ABR: variants seen among roughly 807,000 people sequenced by gnomAD.
The protein encoded by ABR is active breakpoint cluster region-related protein.
A neutral mutation model predicts 107.2 loss-of-function variants in ABR; 35 were observed. The observed-to-expected ratio is 0.33, with a 90% confidence interval of 0.25 to 0.43. The LOEUF (loss-of-function observed/expected upper bound fraction) is 0.43. Ranked by LOEUF, ABR falls within the 20% of genes least tolerant of loss-of-function variation. The pLI, the probability that ABR is intolerant of heterozygous loss-of-function variation, is 1.00. For synonymous variants in ABR, 498 were observed against 462.0 expected (o/e 1.08, Z -1.00); for missense variants, 815 against 1,115.2 (o/e 0.73, Z 3.83).
intron 1 of ABR, among the ~76,000 whole-genome samples, chr17:1,226,529 C>G (rs113593203): frequency 0.011 from 1,646 of 147,960 alleles, 28 homozygotes; most frequent in African/African-American, 0.039. Flanking sequence ...ATGTATGTGA[C>G]AGTGTGCCAT....
Position 1,070,287 on chromosome 17 carries a change from C to G in ABR, c.895-197G>C, listed in dbSNP as rs894965572. Among the ~76,000 whole-genome samples, 2 of 152,160 alleles carry G rather than the reference C, an allele frequency of 1.3e-5. No homozygotes were observed. The highest frequency in any genetic ancestry group is 2.9e-5 in the Non-Finnish European group (2 of 68,036). On this transcript the variant is annotated intron_variant, in intron 8 of 22. Transcript: ENST00000302538. The surrounding 1 kb of genome is among the most constrained non-coding windows in gnomAD (Gnocchi z 4.2). Reference sequence around the variant, plus strand: ...GTTTGAATGCCAACAGGCTTCTCAGCTGTGATCTCAGACAGGCTCCCTGAC... The same window carrying G: ...GTTTGAATGCCAACAGGCTTCTCAGGTGTGATCTCAGACAGGCTCCCTGAC...
At chr17:1,220,523 G>T (rs998871836) in intron 1 of ABR, among the ~76,000 whole-genome samples, 2 of 152,136 alleles carry the variant, frequency 1.3e-5, no homozygotes, top group Admixed American at 1.3e-4. Context: ...CAGAGCGGTG[G>T]TGCAAAGTCA....
intron 3 of ABR, among the ~76,000 whole-genome samples, chr17:1,095,569 C>T (rs915022384): frequency 1.3e-5 from 2 of 152,202 alleles, no homozygotes; most frequent in Non-Finnish European, 2.9e-5. Flanking sequence ...TAGCACACCA[C>T]TCAGGCACCC....
rs578181304 is a variant in ABR at position 1,119,522 on chromosome 17, T to C, written c.246+5661A>G. Reference sequence around the variant, plus strand: ...AGCGTTATCCCTGAGCCTGAGTTCTTCCCAGCGTTATTGCCTGAGCCTTCC... The same window carrying C: ...AGCGTTATCCCTGAGCCTGAGTTCTCCCCAGCGTTATTGCCTGAGCCTTCC... On this transcript the variant is annotated intron_variant, in intron 2 of 22. Transcript: ENST00000302538. 3.6e-4 allele frequency among the ~76,000 whole-genome samples: 44 copies of C among 121,968 alleles called. 8 individuals are homozygous for C. Among genetic ancestry groups the C allele is most frequent in the South Asian group, 2.4e-3 (8 of 3,360 alleles). 80.0% of individuals were successfully genotyped at this position (121,968 alleles called of 152,430 possible).
chr17:1,027,170 C>A lies in ABR; in HGVS notation c.1792-14006G>T, dbSNP rs934013451. ...TCAGGCAGCTTTGGCCTTTGAGGAA[C>A]CCCCTTGATTGGCAGGTTCTCCTCT... On this transcript the variant is annotated intron_variant, in intron 16 of 22. Transcript: ENST00000302538. This position sits in a 1 kb window ranked among gnomAD's most constrained non-coding sequence, Gnocchi z 4.7. Among the ~76,000 whole-genome samples, 1 of 152,234 alleles carries A rather than the reference C, an allele frequency of 6.6e-6. No individual in the cohort carries two copies. The highest frequency in any genetic ancestry group is 2.4e-5 in the African/African-American group (1 of 41,454).
At chr17:1,098,738 T>C (rs1454664814) in intron 3 of ABR, among the ~76,000 whole-genome samples, 1 of 152,180 alleles carries the variant, frequency 6.6e-6, no homozygotes, top group Non-Finnish European at 1.5e-5. Flanking sequence ...AACAGCTCCG[T>C]ACACACAGAT....
intron 16 of ABR, among the ~76,000 whole-genome samples, chr17:1,028,256 A>ATTT (rs564733650): frequency 0.2 from 28,400 of 140,842 alleles, 2,974 homozygotes; most frequent in South Asian, 0.37. Context: ...ATGCCCGGCT[A>ATTT]TTTTTTTTTT....
chr17:1,226,797 G>A (rs9747540), intron 1 of ABR, among the ~76,000 whole-genome samples: 67,867 of 151,386 alleles, frequency 0.45, 15,589 homozygotes, highest in Middle Eastern at 0.5. Context: ...ATGTGTATAC[G>A]TGTGCAGGTG....
intron 1 of ABR, among the ~76,000 whole-genome samples, chr17:1,143,838 T>C (rs943270370): frequency 6.6e-6 from 1 of 152,092 alleles, no homozygotes; most frequent in Non-Finnish European, 1.5e-5. Flanking sequence ...CCAGCAGCCC[T>C]GGGCAGAGAA....
intron 1 of ABR, among the ~76,000 whole-genome samples, chr17:1,212,272 T>G (rs1031726571): frequency 2.0e-5 from 3 of 149,206 alleles, no homozygotes; most frequent in African/African-American, 7.4e-5. Context: ...CTACAAAAGT[T>G]TTATAAGGAT....
At chr17:1,109,482 T>A (rs946632207) in intron 2 of ABR, among the ~76,000 whole-genome samples, 31 of 151,438 alleles carry the variant, frequency 2.0e-4, no homozygotes, top group Non-Finnish European at 4.3e-4. Context: ...CCTCTGGGGT[T>A]GCGGGGCCGC....
chr17:1,174,728 G>A (rs1272427276), intron 1 of ABR, among the ~76,000 whole-genome samples: 2 of 152,198 alleles, frequency 1.3e-5, no homozygotes, highest in Non-Finnish European at 2.9e-5. Context: ...GGCTCAGCAG[G>A]GAAGGTATGT....
At chr17:1,007,634 C>T (rs1035001550) in intron 21 of ABR, among the ~76,000 whole-genome samples, 1 of 152,234 alleles carries the variant, frequency 6.6e-6, no homozygotes, top group African/African-American at 2.4e-5. Flanking sequence ...TGAAAACTCC[C>T]TGGAACAACT....
rs549846008 is a variant in ABR at position 1,045,358 on chromosome 17, T to C, written c.1791+4692A>G. On this transcript the variant is annotated intron_variant, in intron 16 of 22. Transcript: ENST00000302538. The stretch of plus-strand genomic sequence containing the variant: ...TATAGCAGGACAATCTTCCATCTTC[T>C]TACAGCAGGACAATCTTCCGTCTTC... Among the ~76,000 whole-genome samples the C allele has an allele frequency of 2.3e-5, 3 of 131,024 alleles. No homozygotes were observed. The South Asian group carries it at 7.2e-4, about 31-fold the overall frequency. The allele number at this position is 131,024 out of a possible 152,430, so 86.0% of individuals were successfully genotyped here. A position where few individuals can be genotyped will look rare whatever the true frequency, so the allele number is the denominator to read the frequency against.
At chr17:1,182,306 C>T (rs995842931), upstream of ABR, 1 of 152,188 alleles carries the variant, frequency 6.6e-6, no homozygotes, top group Admixed American at 6.5e-5. Context: ...GTAACCCACT[C>T]AGAGGGTAAG....
chr17:1,063,983 A>G (rs2034368886), intron 10 of ABR, among the ~76,000 whole-genome samples: 1 of 137,236 alleles, frequency 7.3e-6, no homozygotes, highest in African/African-American at 2.8e-5. Flanking sequence ...TCCTCTAGAC[A>G]CTGTTATGTG....
rs2032271581 is a variant in ABR, at chr17:1,050,003, C to T, written c.1791+47G>A. On this transcript the variant is annotated intron_variant, in intron 16 of 22. Transcript: ENST00000302538. The surrounding 1 kb of genome is among the most constrained non-coding windows in gnomAD (Gnocchi z 4.6). ...ACCAGAATTCCTTTTCAACTGGAAC[C>T]ACCTCCTGGAGGCTCCCTCAGCCTC... 1 of 1,573,180 alleles carries T rather than the reference C, an allele frequency of 6.4e-7. No homozygotes were observed. The highest frequency in any genetic ancestry group is 1.4e-5 in the African/African-American group (1 of 73,166).
intron 6 of ABR, among the ~76,000 whole-genome samples, chr17:1,075,745 A>C (rs1238357264): frequency 6.6e-6 from 1 of 152,224 alleles, no homozygotes; most frequent in Non-Finnish European, 1.5e-5. Flanking sequence ...TTTTTTTAAA[A>C]ATATAGAGAC....
intron 1 of ABR, among the ~76,000 whole-genome samples, chr17:1,219,033 A>G (rs1047802750): frequency 2.0e-5 from 3 of 147,380 alleles, no homozygotes; most frequent in Non-Finnish European, 3.0e-5. Context: ...ATCCTTTTCT[A>G]TCTGTTTGTT....
Sources: allele counts gnomAD v4.1 joint callset (sites outside exome capture counted in the v4.1 genomes callset), GRCh38; gene constraint gnomAD v4.1.1; non-coding constraint Gnocchi (gnomAD v3.1); transcripts MANE v1.5; gene names NCBI Gene and HGNC (gene_info 2026-07-23, HGNC 2026-07-21).